Variants in HTR2B observed in about 807,000 individuals in gnomAD.
The protein encoded by HTR2B is 5-HT 2B receptor.
A neutral mutation model predicts 39.8 loss-of-function variants in HTR2B; 31 were observed. That is an observed-to-expected ratio of 0.78 (90% CI 0.58 to 1.05). The LOEUF (loss-of-function observed/expected upper bound fraction) is 1.05. HTR2B is among the 50% of genes least tolerant of loss of function. The pLI is 0.00. For missense variants in HTR2B, 562 were observed against 578.0 expected (o/e 0.97, Z 0.28); for synonymous variants, 210 against 207.1 (o/e 1.01, Z -0.12).
chr2:231,124,042 G>T lies in HTR2B; in HGVS notation c.-278C>A. ...GAAACTGATAGCTGTGAAAAAAATA[G>T]GATATATATATATTTTTAGTTTCTC... On this transcript the variant is annotated 5_prime_UTR_variant, in exon 2 of 4. Transcript: ENST00000258400. The T allele has an allele frequency of 2.7e-6, 1 of 364,682 alleles. No individual in the cohort carries two copies. 22.6% of individuals were successfully genotyped at this position (364,682 alleles called of 1,614,324 possible).
chr2:231,121,004 C>T (rs923669552), intron 2 of HTR2B, among the ~76,000 whole-genome samples: 4 of 152,174 alleles, frequency 2.6e-5, no homozygotes, highest in African/African-American at 9.7e-5. Flanking sequence ...GTAATACATG[C>T]AGTTCCCAAT....
At chr2:231,117,554 C>G (rs1695387105) in intron 2 of HTR2B, among the ~76,000 whole-genome samples, 1 of 152,110 alleles carries the variant, frequency 6.6e-6, no homozygotes, top group Non-Finnish European at 1.5e-5. Context: ...GTCTTATAGA[C>G]AATTGTTTAA....
rs1695057723 is a variant in HTR2B, at chr2:231,108,930, T to C, written c.1033A>G (p.Ile345Val). Residue 345 changes from isoleucine to valine, a missense_variant, in exon 4 of 4, where the codon ATA (isoleucine) becomes GTA (valine). By Grantham distance (29) the Ile-to-Val change is conservative (BLOSUM62 3). Transcript: ENST00000258400. ...LMWCPFFITN[I>V]TLVLCDSCNQ... ...CAGGAATCACATAAAACTAAAGTTA[T>C]ATTTGTAATAAAGAAGGGACACCAC... The C allele has an allele frequency of 2.5e-6, 4 of 1,614,034 alleles. No individual in the cohort carries two copies. The highest frequency in any genetic ancestry group is 1.7e-5 in the Admixed American group (1 of 60,000).
Position 231,108,978 on chromosome 2 carries a change from C to A in HTR2B, c.985G>T (p.Val329Leu), listed in dbSNP as rs776080221. 3 of 1,614,152 alleles carry A rather than the reference C, an allele frequency of 1.9e-6. No individual in the cohort carries two copies. In the South Asian group the frequency reaches 3.3e-5, roughly 18 times the overall value. The part of the protein sequence containing the change: ...EQRASKVLGI[V>L]FFLFLLMWCP... ...CACATAAGCAAAAAGAGGAAAAACA[C>A]AATCCCTAGGACCTTTGAGGCTCTC... Residue 329 changes from valine (V) to leucine (L), a missense_variant, in exon 4 of 4, where the codon GTG (valine) becomes TTG (leucine). By Grantham distance (32) the Val-to-Leu change is conservative. Coordinates refer to ENST00000258400, the MANE Select transcript of HTR2B (RefSeq NM_000867.5).
chr2:231,108,419 A>G lies in HTR2B; in HGVS notation c.*98T>C, dbSNP rs1574733931. ...TCTTAGGTTAAAGAGATGATTTGAT[A>G]TATGACATAAAATTCTTTATATAAT... is the stretch of plus-strand genomic sequence containing the variant. On this transcript the variant is annotated 3_prime_UTR_variant, in exon 4 of 4. Transcript: ENST00000258400. The G allele has an allele frequency of 5.9e-6, 5 of 841,332 alleles. No homozygotes were observed. In the South Asian group the frequency reaches 6.2e-5, roughly 10 times the overall value. 52.1% of individuals were successfully genotyped at this position (841,332 alleles called of 1,614,324 possible). A position where few individuals can be genotyped will look rare whatever the true frequency, so the allele number is the denominator to read the frequency against.
Position 231,113,831 on chromosome 2 carries a change from C to A in HTR2B, c.451G>T (p.Val151Leu). The change falls in exon 3 of 4, where the codon GTG (valine) becomes TTG (leucine). Residue 151 changes from valine (V) to leucine (L), a missense_variant. Val to Leu is a conservative substitution (Grantham distance 32). Coordinates refer to ENST00000258400, the MANE Select transcript of HTR2B (RefSeq NM_000867.5). The part of the protein sequence containing the change: ...ASIMHLCAIS[V>L]DRYIAIKKPI... ...TTTTTGATGGCTATGTAACGATCCA[C>A]TGAAATGGCACAGAGATGCATGATG... is the stretch of plus-strand genomic sequence containing the variant. 6.2e-7 allele frequency: 1 copy of A among 1,614,108 alleles called. No individual in the cohort carries two copies. Among genetic ancestry groups the A allele is most frequent in the Non-Finnish European group, 8.5e-7 (1 of 1,179,988 alleles).
intron 2 of HTR2B, among the ~76,000 whole-genome samples, chr2:231,114,505 G>A (rs963371655): frequency 2.0e-5 from 3 of 152,122 alleles, no homozygotes; most frequent in African/African-American, 7.2e-5. Context: ...AATAAAGATT[G>A]CAAAAGGAAT....
intron 3 of HTR2B, among the ~76,000 whole-genome samples, chr2:231,112,175 C>G (rs890637333): frequency 2.0e-5 from 3 of 152,190 alleles, no homozygotes; most frequent in African/African-American, 7.2e-5. Context: ...CACACTCTCC[C>G]TTGCCCTCTC....
At chr2:231,120,753 C>T (rs947925929) in intron 2 of HTR2B, among the ~76,000 whole-genome samples, 3 of 152,080 alleles carry the variant, frequency 2.0e-5, no homozygotes, top group African/African-American at 4.8e-5. Context: ...AATTCCCCTG[C>T]GATAGCTAAA....
At chr2:231,114,330 C>T (rs1429931228) in intron 2 of HTR2B, among the ~76,000 whole-genome samples, 2 of 151,876 alleles carry the variant, frequency 1.3e-5, no homozygotes, top group Non-Finnish European at 2.9e-5. Context: ...AACATTTTAC[C>T]ATGTAGAGGA....
intron 2 of HTR2B, among the ~76,000 whole-genome samples, chr2:231,119,131 A>G (rs1695445225): frequency 6.6e-6 from 1 of 152,058 alleles, no homozygotes; most frequent in Non-Finnish European, 1.5e-5. Flanking sequence ...TGCTTACAGA[A>G]TTTTTTCCTG....
intron 1 of HTR2B, among the ~76,000 whole-genome samples, chr2:231,124,469 A>G (rs551374941): frequency 3.3e-5 from 5 of 152,044 alleles, no homozygotes; most frequent in Non-Finnish European, 7.4e-5. Context: ...AAGCCCAACA[A>G]GGGTCTAAAT....
intron 3 of HTR2B, among the ~76,000 whole-genome samples, chr2:231,112,588 T>G (rs1695189599): frequency 6.6e-6 from 1 of 152,218 alleles, no homozygotes; most frequent in Non-Finnish European, 1.5e-5. Context: ...ATTTAAGTAT[T>G]CCAGGTCTCT....
Position 231,123,586 on chromosome 2 carries a change from A to G in HTR2B, c.179T>C (p.Leu60Pro), listed in dbSNP as rs1695628868. 1 of 1,614,144 alleles carries G rather than the reference A, an allele frequency of 6.2e-7. No individual in the cohort carries two copies. Among genetic ancestry groups the G allele is most frequent in the South Asian group, 1.1e-5 (1 of 91,084 alleles). The change falls in exon 2 of 4, where the codon CTG becomes CCG. Residue 60 changes from leucine to proline, a missense_variant. Coordinates refer to ENST00000258400, the MANE Select transcript of HTR2B (RefSeq NM_000867.5). Reference sequence around the variant, plus strand: ...TGTGGGTATTATCACCATGAGTATCAGAAGAGCTGCCCAGTGCAGTTTATT... The same window carrying G: ...TGTGGGTATTATCACCATGAGTATCGGAAGAGCTGCCCAGTGCAGTTTATT... ...QGNKLHWAALLILMVIIPTIG... is the reference protein window; with the variant it reads ...QGNKLHWAALPILMVIIPTIG...
chr2:231,108,413 T>C lies in HTR2B; in HGVS notation c.*104A>G, dbSNP rs1216865434. The C allele has an allele frequency of 1.2e-6, 1 of 810,256 alleles. No homozygotes were observed. Among genetic ancestry groups the C allele is most frequent in the Non-Finnish European group, 2.0e-6 (1 of 498,900 alleles). 50.2% of individuals were successfully genotyped at this position (810,256 alleles called of 1,614,324 possible). On this transcript the variant is annotated 3_prime_UTR_variant, in exon 4 of 4. Transcript: ENST00000258400. ...CTTACATCTTAGGTTAAAGAGATGA[T>C]TTGATATATGACATAAAATTCTTTA...
In HTR2B at chr2:231,123,413, CA is replaced by C; in HGVS notation, c.351del (p.Phe117LeufsTer39). ...VMPIALLTIM[F>X]EAMWPLPLVL... The stretch of plus-strand genomic sequence containing the variant: ...GGCACAAACAAAGTGAAATACTTAC[CA>C]AACATTATTGTCAAGAGGGCAATTG... On this transcript the variant is annotated frameshift_variant and splice_region_variant, in exon 2 of 4. Transcript: ENST00000258400. LOFTEE classifies it high-confidence loss of function. 1.2e-6 allele frequency: 2 copies of C among 1,609,772 alleles called. No homozygotes were observed. The highest frequency in any genetic ancestry group is 1.7e-6 in the Non-Finnish European group (2 of 1,176,238).
At chr2:231,110,781 C>T (rs539646924) in intron 3 of HTR2B, among the ~76,000 whole-genome samples, 1 of 152,360 alleles carries the variant, frequency 6.6e-6, no homozygotes, top group South Asian at 2.1e-4. Context: ...TATTGGCATA[C>T]TGCCACTCCC....
At chr2:231,121,843 A>G (rs760145846) in intron 2 of HTR2B, among the ~76,000 whole-genome samples, 10 of 152,182 alleles carry the variant, frequency 6.6e-5, no homozygotes, top group African/African-American at 9.6e-5. Context: ...ATTAAATTTT[A>G]TGGTAGTCTG....
In HTR2B at chr2:231,108,865, C is replaced by A. The variant is rs1695054916; in HGVS notation, c.1098G>T (p.Val366=). The change falls in exon 4 of 4, where the codon GTG becomes GTT. Residue 366 remains valine (V), a synonymous_variant. Transcript: ENST00000258400. The part of the protein sequence containing the change: ...TTLQMLLEIF[V]WIGYVSSGVN... The stretch of plus-strand genomic sequence containing the variant: ...CTCCTGAGGAAACATAGCCTATCCA[C>A]ACAAATATCTCCAGGAGCATTTGGA... 6.2e-7 allele frequency: 1 copy of A among 1,614,144 alleles called. No individual in the cohort carries two copies. The highest frequency in any genetic ancestry group is 1.1e-5 in the South Asian group (1 of 91,082).
Sources: allele counts gnomAD v4.1 joint callset (sites outside exome capture counted in the v4.1 genomes callset), GRCh38; gene constraint gnomAD v4.1.1; transcripts MANE v1.5; gene names NCBI Gene and HGNC (gene_info 2026-07-23, HGNC 2026-07-21).